Variants in ATP13A4 observed in about 807,000 individuals in gnomAD.
The protein encoded by ATP13A4 is ATPase 13A4.
ATP13A4 carries 114 observed loss-of-function variants against 142.5 expected under a neutral mutation model. The ratio of observed to expected loss-of-function variants is 0.80; its 90% CI spans 0.69 to 0.93. The LOEUF (loss-of-function observed/expected upper bound fraction) is 0.93. Among genes scored for constraint, ATP13A4 ranks in the 40% least tolerant of loss-of-function variants. The pLI is 0.00. For missense variants in ATP13A4, 1,392 were observed against 1,454.0 expected, an observed-to-expected ratio of 0.96 and a Z score of 0.69; for synonymous variants, 488 against 514.8, an observed-to-expected ratio of 0.95 and a Z score of 0.70.
chr3:193,459,179 G>GT lies in ATP13A4; in HGVS notation c.1575dup (p.Leu526ThrfsTer15), dbSNP rs1236173537. 6.2e-7 allele frequency: 1 copy of GT among 1,614,242 alleles called. No homozygotes were observed. Among genetic ancestry groups the GT allele is most frequent in the African/African-American group, 1.3e-5 (1 of 75,064 alleles). ...TGGCAGCTGGCCATCGCTGCACACA[G>GT]TGGGCCCCATGGCAAAGCCTGGCCT... On this transcript the variant is annotated frameshift_variant, in exon 14 of 30. Coordinates refer to ENST00000342695, the MANE Select transcript of ATP13A4 (RefSeq NM_032279.4). LOFTEE classifies it high-confidence loss of function.
At chr3:193,510,083 A>G (rs1173476388) in intron 2 of ATP13A4, among the ~76,000 whole-genome samples, 2 of 152,168 alleles carry the variant, frequency 1.3e-5, no homozygotes, top group Non-Finnish European at 2.9e-5. Flanking sequence ...GTTCCAGTAG[A>G]AAGTGGTCCT....
rs1267210138 is a variant in ATP13A4 at position 193,586,114 on chromosome 3, CACAT to C, written n.92-4212_92-4209del. On this transcript the variant is annotated intron_variant and non_coding_transcript_variant, in intron 1 of 3. Transcript: ENST00000489140. The stretch of plus-strand genomic sequence containing the variant: ...ATACACACACACACACACACACACA[CACAT>C]ATACACACACACGCATATCGTCCTT... Among the ~76,000 whole-genome samples the C allele has an allele frequency of 8.0e-5, 11 of 138,138 alleles. No individual in the cohort carries two copies. The East Asian group carries it at 1.7e-3, about 22-fold the overall frequency. The allele number at this position is 138,138 out of a possible 152,430, so 90.6% of individuals were successfully genotyped here. A position where few individuals can be genotyped will look rare whatever the true frequency, so the allele number is the denominator to read the frequency against.
upstream of ATP13A4, among the ~76,000 whole-genome samples, chr3:193,558,027 C>T (rs114278064): frequency 4.3e-3 from 654 of 152,268 alleles, 3 homozygotes; most frequent in Non-Finnish European, 7.6e-3. Flanking sequence ...GCATGGAGGT[C>T]CTGAATGCCA....
chr3:193,555,536 T>C (rs921041509), upstream of ATP13A4, among the ~76,000 whole-genome samples: 1 of 152,238 alleles, frequency 6.6e-6, no homozygotes, highest in Admixed American at 6.5e-5. Flanking sequence ...CACTAAAATA[T>C]TGATGGTTCA....
At chr3:193,503,157 G>A (rs1050659306) in intron 2 of ATP13A4, among the ~76,000 whole-genome samples, 2 of 152,040 alleles carry the variant, frequency 1.3e-5, no homozygotes, top group African/African-American at 4.8e-5. Flanking sequence ...ACGTTTTATT[G>A]TTCCTTATCT....
intron 2 of ATP13A4, among the ~76,000 whole-genome samples, chr3:193,573,025 A>C: frequency 2.8e-5 from 2 of 70,428 alleles, no homozygotes; most frequent in Non-Finnish European, 2.4e-5. Context: ...GGTCCCAGTT[A>C]CTCGGGGTGG....
At chr3:193,470,760 G>A in intron 9 of ATP13A4, 99 bp downstream of exon 9, 1 of 1,562,450 alleles carries the variant, frequency 6.4e-7, no homozygotes, top group South Asian at 1.1e-5. Context: ...TTTACAGCCA[G>A]CCACTGTCAT....
At chr3:193,463,217 C>CA (rs1190455703) in intron 12 of ATP13A4, among the ~76,000 whole-genome samples, 1 of 151,592 alleles carries the variant, frequency 6.6e-6, no homozygotes, top group African/African-American at 2.4e-5. Context: ...ATAACAACAA[C>CA]AAAAAAAGTA....
At chr3:193,403,818 A>T in intron 29 of ATP13A4, 1 of 985,002 alleles carries the variant, frequency 1.0e-6, no homozygotes. Flanking sequence ...AAGAAAAAAT[A>T]TGGGACGTGA....
At chr3:193,573,851 G>A (rs13067143) in intron 2 of ATP13A4, among the ~76,000 whole-genome samples, 3 of 151,976 alleles carry the variant, frequency 2.0e-5, no homozygotes, top group Non-Finnish European at 2.9e-5. Context: ...TCTGGGTAAG[G>A]TCTCTTCCAG....
In ATP13A4 at chr3:193,401,014, A is replaced by G. The variant is rs1316161211; in HGVS notation, c.*1638T>C. Among the ~76,000 whole-genome samples the G allele has an allele frequency of 6.6e-6, 1 of 152,248 alleles. No homozygotes were observed. Among genetic ancestry groups the G allele is most frequent in the African/African-American group, 2.4e-5 (1 of 41,466 alleles). On this transcript the variant is annotated 3_prime_UTR_variant, in exon 30 of 30. Transcript: ENST00000342695. ...TATCTTCACGCCCTATTTTAAAACC[A>G]GAAGTAACAGGGTACCCTCATGGCT...
At chr3:193,445,380 G>A (rs551405016) in intron 18 of ATP13A4, among the ~76,000 whole-genome samples, 9 of 152,098 alleles carry the variant, frequency 5.9e-5, no homozygotes, top group East Asian at 1.9e-4. Flanking sequence ...AGGTTGCAGC[G>A]AGCCGAGATC....
At chr3:193,519,298 T>C (rs1405146052) in intron 1 of ATP13A4, among the ~76,000 whole-genome samples, 2 of 152,132 alleles carry the variant, frequency 1.3e-5, no homozygotes, top group African/African-American at 4.8e-5. Context: ...CAACAAATCA[T>C]TTCACAGATA....
intron 1 of ATP13A4, among the ~76,000 whole-genome samples, chr3:193,588,868 G>A (rs925553494): frequency 2.6e-5 from 4 of 152,098 alleles, no homozygotes; most frequent in East Asian, 1.9e-4. Flanking sequence ...GGCCTGGCAC[G>A]GTGGCTGATG....
chr3:193,499,781 G>A (rs73063920), intron 3 of ATP13A4, among the ~76,000 whole-genome samples: 1,822 of 152,250 alleles, frequency 0.012, 42 homozygotes, highest in African/African-American at 0.042. Context: ...TGATCAGTTC[G>A]AGAACCTCTT....
chr3:193,465,909 C>T, intron 11 of ATP13A4, 116 bp downstream of exon 11: 1 of 1,293,548 alleles, frequency 7.7e-7, no homozygotes, highest in South Asian at 1.2e-5. Context: ...GGCATCAGTG[C>T]TTGGTTTTGT....
At position 193,448,344 on chromosome 3, in the gene ATP13A4, T is replaced by C. The variant is rs1317924335; in HGVS notation, c.2028-14A>G. The stretch of plus-strand genomic sequence containing the variant: ...TCTACCGTCTCCCTGAAAATACATA[T>C]ATAGATGTATTGAACAGAAATAACA... On this transcript the variant is annotated splice_polypyrimidine_tract_variant and intron_variant, in intron 17 of 29. Coordinates refer to ENST00000342695, the MANE Select transcript of ATP13A4 (RefSeq NM_032279.4). The C allele has an allele frequency of 3.1e-6, 5 of 1,613,346 alleles. No homozygotes were observed. The highest frequency in any genetic ancestry group is 3.4e-6 in the Non-Finnish European group (4 of 1,179,876).
At chr3:193,504,020 T>TGTGTGTGTGTGTGTGTGTGTGAGA (rs1034644341) in intron 2 of ATP13A4, among the ~76,000 whole-genome samples, 13 of 144,214 alleles carry the variant, frequency 9.0e-5, no homozygotes, top group African/African-American at 2.3e-4. Flanking sequence ...TGTGTGTGTG[T>TGTGTGTGTGTGTGTGTGTGTGAGA]GAGAGAGAGA....
chr3:193,495,038 C>A (rs942617819), intron 3 of ATP13A4, among the ~76,000 whole-genome samples: 1 of 151,862 alleles, frequency 6.6e-6, no homozygotes, highest in Non-Finnish European at 1.5e-5. Flanking sequence ...TGTAAGCTAC[C>A]AAGATTGAAT....
Sources: allele counts gnomAD v4.1 joint callset (sites outside exome capture counted in the v4.1 genomes callset), GRCh38; gene constraint gnomAD v4.1.1; transcripts MANE v1.5; gene names NCBI Gene and HGNC (gene_info 2026-07-23, HGNC 2026-07-21).